DLG2: variants seen among roughly 807,000 people sequenced by gnomAD.
DLG2 encodes the protein disks large homolog 2.
A neutral mutation model predicts 132.5 loss-of-function variants in DLG2; 45 were observed. The observed-to-expected ratio is 0.34, with a 90% CI of 0.27 to 0.44. DLG2 has a LOEUF of 0.44. Ranked by LOEUF, DLG2 falls within the 20% of genes least tolerant of loss-of-function variation. The pLI, the probability that DLG2 is intolerant of heterozygous loss-of-function variation, is 1.00. For missense variants in DLG2, 1,045 were observed against 1,196.9 expected (o/e 0.87, Z 1.87); for synonymous variants, 424 against 419.6 (o/e 1.01, Z -0.13).
intron 7 of DLG2, among the ~76,000 whole-genome samples, chr11:84,494,822 T>A (rs908137571): frequency 2.0e-5 from 3 of 152,120 alleles, no homozygotes; most frequent in Non-Finnish European, 4.4e-5. Context: ...CAAGTTGACT[T>A]GCTGCAACAT....
At chr11:83,608,609 A>G (rs551108) in intron 19 of DLG2, among the ~76,000 whole-genome samples, 107,978 of 151,990 alleles carry the variant, frequency 0.71, 39,062 homozygotes, top group African/African-American at 0.86. Flanking sequence ...TCTGGTAAAC[A>G]TGTATCATTT....
chr11:85,343,770 G>A (rs372549345), intron 3 of DLG2, among the ~76,000 whole-genome samples: 2 of 152,144 alleles, frequency 1.3e-5, no homozygotes, highest in African/African-American at 4.8e-5. Flanking sequence ...AGAGCAGCGA[G>A]GAAAACCTTC....
intron 7 of DLG2, among the ~76,000 whole-genome samples, chr11:84,299,295 A>C (rs2098127235): frequency 6.6e-6 from 1 of 152,246 alleles, no homozygotes; most frequent in South Asian, 2.1e-4. Flanking sequence ...ACTGAGTGTT[A>C]AGATAAATTT....
At chr11:83,926,954 C>T (rs1011678599) in intron 15 of DLG2, among the ~76,000 whole-genome samples, 6 of 151,946 alleles carry the variant, frequency 3.9e-5, no homozygotes, top group Non-Finnish European at 7.4e-5. Flanking sequence ...CTGACAGGTG[C>T]CTAATGGATT....
At chr11:84,645,693 T>A (rs1444795208) in intron 6 of DLG2, among the ~76,000 whole-genome samples, 1 of 152,170 alleles carries the variant, frequency 6.6e-6, no homozygotes, top group Non-Finnish European at 1.5e-5. Flanking sequence ...GGTCTCGATC[T>A]CCTGACCTCG....
In DLG2 at chr11:83,627,255, A is replaced by G. The variant is rs189985726; in HGVS notation, c.1940+5956T>C. On this transcript the variant is annotated intron_variant, in intron 19 of 27. Transcript: ENST00000376104. ...AACTTTTAGGGTACATGTGCACAAC[A>G]TGCAGGTTTGTTACATATGTATACA... Among the ~76,000 whole-genome samples the G allele has an allele frequency of 6.3e-4, 96 of 151,592 alleles. 1 individual carries two copies. The East Asian group carries it at 6.8e-3, about 11-fold the overall frequency.
intron 10 of DLG2, among the ~76,000 whole-genome samples, chr11:84,087,632 T>A (rs1435965182): frequency 2.0e-5 from 3 of 152,240 alleles, no homozygotes; most frequent in Middle Eastern, 3.4e-3. Context: ...TCCTGGGGTG[T>A]CCAATATAAT....
intron 21 of DLG2, among the ~76,000 whole-genome samples, chr11:83,509,847 C>T (rs942825652): frequency 2.6e-5 from 4 of 151,998 alleles, no homozygotes; most frequent in African/African-American, 7.3e-5. Flanking sequence ...GAGACCTGGG[C>T]GTAAGTTTTG....
intron 7 of DLG2, among the ~76,000 whole-genome samples, chr11:84,319,269 T>C (rs2098389168): frequency 6.6e-6 from 1 of 152,060 alleles, no homozygotes; most frequent in African/African-American, 2.4e-5. Context: ...AACTGTTGGG[T>C]CGAAGAAAAC....
chr11:85,383,466 A>T (rs1204864252), intron 3 of DLG2, among the ~76,000 whole-genome samples: 1 of 152,184 alleles, frequency 6.6e-6, no homozygotes, highest in Non-Finnish European at 1.5e-5. Context: ...TGGTATATGA[A>T]TCATATGTCA....
intron 11 of DLG2, among the ~76,000 whole-genome samples, chr11:84,016,961 T>A (rs557331853): frequency 6.6e-6 from 1 of 152,030 alleles, no homozygotes; most frequent in East Asian, 1.9e-4. Context: ...TATTCCCCAA[T>A]GGAAGTAACT....
chr11:83,549,742 G>A (rs1032070234), intron 19 of DLG2, among the ~76,000 whole-genome samples: 15 of 152,028 alleles, frequency 9.9e-5, no homozygotes, highest in African/African-American at 3.1e-4. Context: ...ACAATCATTC[G>A]TCCACTCGTG....
chr11:85,484,825 C>A (rs1163526821), intron 3 of DLG2, among the ~76,000 whole-genome samples: 2 of 149,576 alleles, frequency 1.3e-5, no homozygotes, highest in African/African-American at 4.9e-5. Context: ...CTAGAAATAC[C>A]ATTTGACCCA....
intron 6 of DLG2, among the ~76,000 whole-genome samples, chr11:84,709,153 A>G (rs1031531973): frequency 6.6e-6 from 1 of 151,936 alleles, no homozygotes; most frequent in Non-Finnish European, 1.5e-5. Flanking sequence ...ATAGGAGAAA[A>G]TAGGATATAT....
intron 6 of DLG2, among the ~76,000 whole-genome samples, chr11:85,011,198 G>A (rs1052700393): frequency 6.6e-6 from 1 of 152,062 alleles, no homozygotes; most frequent in African/African-American, 2.4e-5. Flanking sequence ...GAATAGACTT[G>A]GAAACAAAAT....
In DLG2 at chr11:84,183,180, A is replaced by G. The variant is rs533285179; in HGVS notation, c.574-19669T>C. On this transcript the variant is annotated intron_variant, in intron 8 of 27. Coordinates refer to ENST00000376104, the MANE Select transcript of DLG2 (RefSeq NM_001142699.3). ...AATCATTTCATGAATAAATTACACC[A>G]ATTATCTACAATCACTTCCAGAAAA... Among the ~76,000 whole-genome samples, 22 of 152,356 alleles carry G rather than the reference A, an allele frequency of 1.4e-4. No individual in the cohort carries two copies. The South Asian group carries it at 4.3e-3, about 30-fold the overall frequency.
At chr11:85,286,423 TCA>T (rs2078562239) in intron 3 of DLG2, among the ~76,000 whole-genome samples, 1 of 152,046 alleles carries the variant, frequency 6.6e-6, no homozygotes, top group South Asian at 2.1e-4. Flanking sequence ...TATACACAAA[TCA>T]GTTATACACA....
At chr11:84,670,575 G>A (rs2099704684) in intron 6 of DLG2, among the ~76,000 whole-genome samples, 1 of 152,064 alleles carries the variant, frequency 6.6e-6, no homozygotes, top group African/African-American at 2.4e-5. Context: ...TATTGCCTCT[G>A]GTGGCATAAT....
chr11:85,132,014 C>A (rs1020120146), intron 5 of DLG2, among the ~76,000 whole-genome samples: 2 of 152,010 alleles, frequency 1.3e-5, no homozygotes, highest in Non-Finnish European at 2.9e-5. Flanking sequence ...TTAGGAATAT[C>A]TATTCAAATA....
Sources: gnomAD v4.1 joint callset for allele counts (sites outside exome capture counted in the v4.1 genomes callset) on GRCh38, gnomAD v4.1.1 for gene constraint, MANE v1.5 for transcripts, NCBI Gene and HGNC (gene_info 2026-07-23, HGNC 2026-07-21) for gene names.